IPCEF1: variants seen among roughly 807,000 people sequenced by gnomAD.
IPCEF1 encodes the protein interactor protein for cytohesin exchange factors 1.
A neutral mutation model predicts 50.9 loss-of-function variants in IPCEF1; 31 were observed. The ratio of observed to expected loss-of-function variants is 0.61; its 90% confidence interval spans 0.46 to 0.82. The LOEUF is 0.82. Among genes scored for constraint, IPCEF1 ranks in the 40% least tolerant of loss-of-function variants. IPCEF1 has a pLI of 0.00. For synonymous variants in IPCEF1, 181 were observed against 192.0 expected, an observed-to-expected ratio of 0.94 and a Z score of 0.47; for missense variants, 458 against 514.0, an observed-to-expected ratio of 0.89 and a Z score of 1.05.
At chr6:154,165,178 T>C (rs1431715575) in intron 11 of IPCEF1, among the ~76,000 whole-genome samples, 2 of 152,036 alleles carry the variant, frequency 1.3e-5, no homozygotes, top group Non-Finnish European at 2.9e-5. Context: ...AGTGCACAAA[T>C]AGAAAAATTG....
intron 7 of IPCEF1, among the ~76,000 whole-genome samples, chr6:154,220,547 C>T (rs963014409): frequency 2.0e-5 from 3 of 152,104 alleles, no homozygotes; most frequent in Admixed American, 1.3e-4. Context: ...GAGGCTGATG[C>T]AGGAGAATCA....
At chr6:154,340,863 A>G (rs1432176811) in intron 1 of IPCEF1, among the ~76,000 whole-genome samples, 1 of 150,414 alleles carries the variant, frequency 6.6e-6, no homozygotes, top group Admixed American at 6.6e-5. Context: ...CAGCCTGGGC[A>G]ACAAGAGCAA....
chr6:154,282,911 G>T (rs933736694), intron 2 of IPCEF1, among the ~76,000 whole-genome samples: 1 of 152,164 alleles, frequency 6.6e-6, no homozygotes, highest in African/African-American at 2.4e-5. Context: ...GATTGAAAAT[G>T]AAGCCAAAAC....
chr6:154,234,816 G>A (rs1015122176), intron 5 of IPCEF1, among the ~76,000 whole-genome samples: 6 of 152,192 alleles, frequency 3.9e-5, no homozygotes, highest in Non-Finnish European at 7.4e-5. Flanking sequence ...GACATACAAA[G>A]ATAGTAATTA....
intron 1 of IPCEF1, among the ~76,000 whole-genome samples, chr6:154,305,722 A>T (rs1198243468): frequency 6.6e-6 from 1 of 152,190 alleles, no homozygotes; most frequent in Non-Finnish European, 1.5e-5. Flanking sequence ...GCACCATCCA[A>T]TCAGCTGCCA....
chr6:154,298,472 T>C (rs909346681), intron 1 of IPCEF1, among the ~76,000 whole-genome samples: 5 of 152,214 alleles, frequency 3.3e-5, no homozygotes, highest in Non-Finnish European at 7.3e-5. Flanking sequence ...TCATGAGTCA[T>C]AGTCAATTAT....
In IPCEF1 at chr6:154,276,026, CA is replaced by C. The variant is rs539111672; in HGVS notation, c.-17-10063del. On this transcript the variant is annotated intron_variant, in intron 2 of 11. Transcript: ENST00000367220. ...GAAATTCCATCTCTACTAAAAATAC[CA>C]AAAAAATTTAGCTGGCCATGGTGGC... Among the ~76,000 whole-genome samples the C allele has an allele frequency of 2.4e-3, 360 of 151,860 alleles. 2 individuals carry two copies. Among genetic ancestry groups the C allele is most frequent in the African/African-American group, 8.4e-3 (348 of 41,444 alleles).
At chr6:154,283,467 G>A (rs1426812044) in intron 2 of IPCEF1, among the ~76,000 whole-genome samples, 1 of 150,774 alleles carries the variant, frequency 6.6e-6, no homozygotes, top group Non-Finnish European at 1.5e-5. Context: ...GTGCGGTGGT[G>A]GGCCCCTGTA....
At chr6:154,180,414 A>ATATATATATATATATTTTTTTTT (rs1241250621) in intron 10 of IPCEF1, among the ~76,000 whole-genome samples, 4 of 65,262 alleles carry the variant, frequency 6.1e-5, no homozygotes, top group African/African-American at 1.9e-4. Flanking sequence ...ATATATATAT[A>ATATATATATATATATTTTTTTTT]TTTTTTTTTT....
At chr6:154,303,649 C>T (rs2128676421) in intron 1 of IPCEF1, among the ~76,000 whole-genome samples, 1 of 152,326 alleles carries the variant, frequency 6.6e-6, no homozygotes, top group African/African-American at 2.4e-5. Flanking sequence ...TGGCTAGGCA[C>T]AGTGGCTCAT....
intron 2 of IPCEF1, among the ~76,000 whole-genome samples, chr6:154,269,525 A>G (rs1309017772): frequency 2.0e-5 from 3 of 152,072 alleles, no homozygotes; most frequent in Non-Finnish European, 4.4e-5. Context: ...AAATAGAGAC[A>G]GGGTCTTGCT....
chr6:154,232,429 C>A (rs1779795741), intron 5 of IPCEF1, among the ~76,000 whole-genome samples: 1 of 152,158 alleles, frequency 6.6e-6, no homozygotes, highest in Admixed American at 6.5e-5. Flanking sequence ...ACTATGATCA[C>A]AGCCTTAAGA....
intron 2 of IPCEF1, among the ~76,000 whole-genome samples, chr6:154,271,203 A>AT (rs1408763330): frequency 1.1e-5 from 1 of 94,090 alleles, no homozygotes; most frequent in Non-Finnish European, 2.5e-5. Context: ...TACAAAAAAA[A>AT]AATAAATAAA....
intron 1 of IPCEF1, among the ~76,000 whole-genome samples, chr6:154,295,893 G>A (rs965694924): frequency 1.4e-4 from 14 of 103,048 alleles, no homozygotes; most frequent in East Asian, 2.7e-4. Flanking sequence ...ACACACATGC[G>A]TACACACACA....
chr6:154,180,425 A>T (rs1211885574), intron 10 of IPCEF1, among the ~76,000 whole-genome samples: 65 of 122,086 alleles, frequency 5.3e-4, no homozygotes, highest in Admixed American at 2.3e-3. Flanking sequence ...TTTTTTTTTT[A>T]AACATGATCC....
chr6:154,205,202 T>C (rs114970149), intron 9 of IPCEF1, among the ~76,000 whole-genome samples: 1,930 of 152,342 alleles, frequency 0.013, 43 homozygotes, highest in African/African-American at 0.044. Context: ...ATTACTGCAT[T>C]GTCCCTCTTC....
intron 2 of IPCEF1, among the ~76,000 whole-genome samples, chr6:154,279,849 A>G (rs1367835977): frequency 6.6e-6 from 1 of 152,250 alleles, no homozygotes. Flanking sequence ...GACAAAAATG[A>G]GAAAAGACTT....
At chr6:154,178,543 G>T (rs917694714) in intron 10 of IPCEF1, among the ~76,000 whole-genome samples, 3 of 151,946 alleles carry the variant, frequency 2.0e-5, no homozygotes, top group Non-Finnish European at 2.9e-5. Flanking sequence ...ACTTTGGGTT[G>T]GGCAACTGTG....
chr6:154,214,324 C>G lies in IPCEF1; in HGVS notation c.393-48G>C, dbSNP rs181721099. 5.4e-4 allele frequency: 646 copies of G among 1,191,712 alleles called. 5 individuals are homozygous for G. The African/African-American group carries it at 8.2e-3, about 15-fold the overall frequency. 73.8% of individuals were successfully genotyped at this position (1,191,712 alleles called of 1,614,324 possible). A position where few individuals can be genotyped will look rare whatever the true frequency, so the allele number is the denominator to read the frequency against. ...ATGTTGACCAAAGAGATTAGCCCCC[C>G]ACCCATTCACCTTCCCCCAGAGTTT... is the stretch of plus-strand genomic sequence containing the variant. On this transcript the variant is annotated intron_variant, in intron 7 of 11. Transcript: ENST00000367220.
Sources: gnomAD v4.1 joint callset for allele counts (sites outside exome capture counted in the v4.1 genomes callset) on GRCh38, gnomAD v4.1.1 for gene constraint, MANE v1.5 for transcripts, NCBI Gene and HGNC (gene_info 2026-07-23, HGNC 2026-07-21) for gene names.